The following PREX1 variants were observed in gnomAD, a reference collection of about 807,000 sequenced individuals.
PREX1 encodes phosphatidylinositol-3,4,5-trisphosphate dependent Rac exchange factor 1.
Under a neutral mutation model 198.3 loss-of-function variants are expected in PREX1, and 41 were observed. The ratio of observed to expected loss-of-function variants is 0.21; its 90% CI spans 0.16 to 0.27. PREX1 has a LOEUF of 0.27. Among genes scored for constraint, PREX1 ranks in the 10% least tolerant of loss-of-function variants. The pLI, the probability that PREX1 is intolerant of heterozygous loss-of-function variation, is 1.00. For missense variants in PREX1, 1,620 were observed against 2,200.7 expected, an observed-to-expected ratio of 0.74 and a Z score of 5.28; for synonymous variants, 843 against 887.2, an observed-to-expected ratio of 0.95 and a Z score of 0.89.
At chr20:48,861,739 G>A in the PREX1 span, among the ~76,000 whole-genome samples, 6 of 152,012 alleles carry the variant, frequency 3.9e-5, no homozygotes, top group African/African-American at 7.2e-5. Flanking sequence ...TGGATTCCTC[G>A]GACCAGTTTC....
At chr20:48,632,250 C>A (rs1390348801) in intron 35 of PREX1, 27 bp downstream of exon 35, 10 of 1,607,926 alleles carry the variant, frequency 6.2e-6, no homozygotes, top group Non-Finnish European at 8.5e-6. Flanking sequence ...CTGACTCCTG[C>A]CCCCAACGGG....
intron 15 of PREX1, among the ~76,000 whole-genome samples, chr20:48,661,716 C>T (rs1281552386): frequency 6.6e-6 from 1 of 151,492 alleles, no homozygotes; most frequent in East Asian, 2.0e-4. Flanking sequence ...AGTTCATCTG[C>T]TCCTTGGATA....
intron 30 of PREX1, among the ~76,000 whole-genome samples, chr20:48,638,050 T>C (rs2089378968): frequency 6.6e-6 from 1 of 152,110 alleles, no homozygotes; most frequent in Non-Finnish European, 1.5e-5. Context: ...CACACCTTGT[T>C]CACATAAGTA....
chr20:48,639,500 C>CT (rs2089391712), intron 30 of PREX1, among the ~76,000 whole-genome samples: 1 of 152,094 alleles, frequency 6.6e-6, no homozygotes, highest in South Asian at 2.1e-4. Flanking sequence ...AAAGTCAGGG[C>CT]TTTGTTTTGT....
intron 3 of PREX1, among the ~76,000 whole-genome samples, chr20:48,743,500 C>T (rs2090091646): frequency 6.6e-6 from 1 of 152,188 alleles, no homozygotes; most frequent in Non-Finnish European, 1.5e-5. Flanking sequence ...TGGACCACTT[C>T]CCTCCTCTGC....
At chr20:48,634,869 C>T in intron 32 of PREX1, 94 bp from the exon 33 acceptor site, 1 of 1,076,348 alleles carries the variant, frequency 9.3e-7, no homozygotes, top group South Asian at 1.3e-5. Flanking sequence ...GTCGGCACTC[C>T]ACACTGTGGG....
the PREX1 span, among the ~76,000 whole-genome samples, chr20:48,880,981 TAAAAAAAAAA>T: frequency 2.4e-4 from 5 of 20,968 alleles, no homozygotes; most frequent in Non-Finnish European, 3.0e-4. Context: ...AAACCATTGC[TAAAAAAAAAA>T]AAAAAAAAAA....
At chr20:48,751,468 C>G (rs1036331368) in intron 1 of PREX1, among the ~76,000 whole-genome samples, 1 of 152,214 alleles carries the variant, frequency 6.6e-6, no homozygotes. Flanking sequence ...GAACTGCAAA[C>G]AAGCCGGTGT....
chr20:48,732,424 C>T lies in PREX1; in HGVS notation c.519+2122G>A, dbSNP rs73911663. 8.8e-3 allele frequency among the ~76,000 whole-genome samples: 1,335 copies of T among 151,940 alleles called. 20 individuals carry two copies. Among genetic ancestry groups the T allele is most frequent in the African/African-American group, 0.031 (1,277 of 41,240 alleles). On this transcript the variant is annotated intron_variant, in intron 4 of 39. Transcript: ENST00000371941. ...CACTCTGGGAACGTGGTTCATACTCCGTATGCTATGTTAGTTAATTGTTCT... is the reference window on the plus strand; with the variant it reads ...CACTCTGGGAACGTGGTTCATACTCTGTATGCTATGTTAGTTAATTGTTCT...
the PREX1 span, among the ~76,000 whole-genome samples, chr20:48,867,382 C>T: frequency 2.0e-5 from 3 of 152,222 alleles, no homozygotes; most frequent in African/African-American, 4.8e-5. Flanking sequence ...AGCACCTACC[C>T]CAGAGTTACA....
At chr20:48,650,330 A>G (rs1463290630) in intron 23 of PREX1, 124 bp from the exon 24 acceptor site, 1 of 929,104 alleles carries the variant, frequency 1.1e-6, no homozygotes, top group Non-Finnish European at 1.6e-6. Flanking sequence ...AAATGCCAGT[A>G]GCTCCAAATG....
chr20:48,744,880 G>T (rs1402948695), intron 3 of PREX1, 145 bp downstream of exon 3: 1 of 1,053,994 alleles, frequency 9.5e-7, no homozygotes, highest in Non-Finnish European at 1.4e-6. Flanking sequence ...CAGGGATGCA[G>T]ACTGGGCCCA....
intron 4 of PREX1, among the ~76,000 whole-genome samples, chr20:48,732,473 T>C (rs948771375): frequency 6.6e-6 from 1 of 152,126 alleles, no homozygotes; most frequent in Non-Finnish European, 1.5e-5. Context: ...GAATTCGGTA[T>C]GTGCTGTTGG....
At chr20:48,760,780 A>C (rs1446920206) in intron 1 of PREX1, among the ~76,000 whole-genome samples, 1 of 152,064 alleles carries the variant, frequency 6.6e-6, no homozygotes, top group Non-Finnish European at 1.5e-5. Flanking sequence ...TGGGTGCTGG[A>C]GACACAGATA....
intron 7 of PREX1, among the ~76,000 whole-genome samples, chr20:48,700,502 G>A (rs749580835): frequency 6.6e-6 from 1 of 151,820 alleles, no homozygotes; most frequent in Non-Finnish European, 1.5e-5. Flanking sequence ...TCATATTTGG[G>A]GATCTATTAG....
rs148747835 is a variant in PREX1, at chr20:48,772,740, A to C, written c.220-24860T>G. 2.4e-4 allele frequency among the ~76,000 whole-genome samples: 36 copies of C among 152,350 alleles called. No homozygotes were observed. The East Asian group carries it at 6.0e-3, about 25-fold the overall frequency. On this transcript the variant is annotated intron_variant, in intron 1 of 39. Coordinates refer to ENST00000371941, the MANE Select transcript of PREX1 (RefSeq NM_020820.4). ...GGACTCACCCTGTCCACTGCCGTCC[A>C]GCCAGGATGGCCGCATGGCTGAGTG...
intron 10 of PREX1, 146 bp downstream of exon 10, chr20:48,688,511 C>A: frequency 2.9e-6 from 3 of 1,019,792 alleles, no homozygotes; most frequent in South Asian, 1.6e-5. Flanking sequence ...TCTCTGAGGG[C>A]TGCTCCATAA....
chr20:48,631,317 A>G (rs535930620), intron 35 of PREX1, among the ~76,000 whole-genome samples: 1 of 152,304 alleles, frequency 6.6e-6, no homozygotes, highest in African/African-American at 2.4e-5. Flanking sequence ...GTGCTAATAA[A>G]ACTTTATTTA....
intron 14 of PREX1, among the ~76,000 whole-genome samples, chr20:48,671,702 C>A (rs2089676410): frequency 6.6e-6 from 1 of 152,242 alleles, no homozygotes; most frequent in Non-Finnish European, 1.5e-5. Flanking sequence ...TGTAACCACA[C>A]TCCGAGGTCA....
Sources: gnomAD v4.1 joint callset for allele counts (sites outside exome capture counted in the v4.1 genomes callset) on GRCh38, gnomAD v4.1.1 for gene constraint, MANE v1.5 for transcripts, NCBI Gene and HGNC (gene_info 2026-07-23, HGNC 2026-07-21) for gene names.